PRKAR1A: variants seen among roughly 807,000 people sequenced by gnomAD.
PRKAR1A encodes the protein cAMP-dependent protein kinase type I-alpha regulatory subunit.
In PRKAR1A, 3 loss-of-function variants were observed where a neutral mutation model predicts 52.0. The observed-to-expected ratio is 0.06, with a 90% CI of 0.03 to 0.15. The LOEUF is 0.15. Among genes scored for constraint, PRKAR1A ranks in the 10% least tolerant of loss-of-function variants. PRKAR1A has a pLI of 1.00. For synonymous variants in PRKAR1A, 188 were observed against 168.4 expected (o/e 1.12, Z -0.90); for missense variants, 240 against 477.4 (o/e 0.50, Z 4.63).
chr17:68,482,477 T>C, the PRKAR1A span, among the ~76,000 whole-genome samples: 20 of 152,320 alleles, frequency 1.3e-4, no homozygotes, highest in Non-Finnish European at 2.6e-4. Context: ...TTTACGGTGC[T>C]GTAATAAGGA....
At chr17:68,505,815 G>A in the PRKAR1A span, among the ~76,000 whole-genome samples, 2 of 152,150 alleles carry the variant, frequency 1.3e-5, no homozygotes, top group Non-Finnish European at 2.9e-5. Flanking sequence ...GCCAGATCCT[G>A]TTTCACACAC....
the PRKAR1A span, among the ~76,000 whole-genome samples, chr17:68,486,653 C>T: frequency 7.1e-6 from 1 of 141,426 alleles, no homozygotes; most frequent in Non-Finnish European, 1.6e-5. Context: ...CTTTCTCTTC[C>T]CTCTTCCTAT....
At chr17:68,475,480 T>C in the PRKAR1A span, among the ~76,000 whole-genome samples, 3 of 152,250 alleles carry the variant, frequency 2.0e-5, no homozygotes, top group African/African-American at 4.8e-5. Flanking sequence ...TTATTATTTT[T>C]TGAGACAGAG....
chr17:68,541,706 C>G, intron 11 of PRKAR1A: 1 of 369,510 alleles, frequency 2.7e-6, no homozygotes, highest in Non-Finnish European at 5.0e-6. Flanking sequence ...CTGTTCTCCC[C>G]ACTAGACCAA....
chr17:68,437,949 A>AAAAAAAAAAC, the PRKAR1A span, among the ~76,000 whole-genome samples: 1 of 37,762 alleles, frequency 2.6e-5, no homozygotes, highest in Non-Finnish European at 4.9e-5. Context: ...CATCTCTCTT[A>AAAAAAAAAAC]AAAAAAAAAA....
the PRKAR1A span, chr17:68,452,895 C>T: frequency 1.9e-6 from 3 of 1,612,594 alleles, no homozygotes; most frequent in Non-Finnish European, 2.5e-6. Context: ...TGAGGTCTCT[C>T]TCACACACAC....
the PRKAR1A span, among the ~76,000 whole-genome samples, chr17:68,481,264 G>A: frequency 6.6e-6 from 1 of 152,182 alleles, no homozygotes; most frequent in Non-Finnish European, 1.5e-5. Context: ...CATCAACCAA[G>A]GTAAAGTGGG....
chr17:68,502,666 C>T, the PRKAR1A span, among the ~76,000 whole-genome samples: 1 of 148,970 alleles, frequency 6.7e-6, no homozygotes, highest in African/African-American at 2.5e-5. Flanking sequence ...GCAGGAGAAT[C>T]GCTTGAACCT....
the PRKAR1A span, among the ~76,000 whole-genome samples, chr17:68,457,140 G>A: frequency 1.6e-4 from 24 of 152,288 alleles, no homozygotes; most frequent in Admixed American, 9.2e-4. Flanking sequence ...GGAGGACACT[G>A]GGAGTGGGGT....
the PRKAR1A span, among the ~76,000 whole-genome samples, chr17:68,432,186 C>T: frequency 6.6e-5 from 10 of 152,228 alleles, no homozygotes; most frequent in African/African-American, 1.2e-4. Context: ...AGAAGGGAGC[C>T]GCCCCCAGTG....
At chr17:68,527,406 T>C (rs771580239) in intron 7 of PRKAR1A, among the ~76,000 whole-genome samples, 1 of 152,202 alleles carries the variant, frequency 6.6e-6, no homozygotes, top group Non-Finnish European at 1.5e-5. Flanking sequence ...TAGATTACTT[T>C]TGTGAGAAAA....
chr17:68,529,432 C>A (rs184766620), intron 9 of PRKAR1A, among the ~76,000 whole-genome samples: 34 of 152,278 alleles, frequency 2.2e-4, no homozygotes, highest in Non-Finnish European at 4.4e-4. Flanking sequence ...CTAAGCGGAT[C>A]CAAGTGGCAG....
At chr17:68,467,204 A>G in the PRKAR1A span, among the ~76,000 whole-genome samples, 15 of 152,296 alleles carry the variant, frequency 9.8e-5, no homozygotes, top group African/African-American at 3.4e-4. Context: ...GCTATTGTGA[A>G]TATCATGAAC....
chr17:68,416,961 T>C, the PRKAR1A span, among the ~76,000 whole-genome samples: 1 of 152,260 alleles, frequency 6.6e-6, no homozygotes, highest in Non-Finnish European at 1.5e-5. Context: ...TCCTGAATTC[T>C]TTTTCAGGTT....
chr17:68,501,349 C>T, the PRKAR1A span, among the ~76,000 whole-genome samples: 1 of 152,188 alleles, frequency 6.6e-6, no homozygotes, highest in African/African-American at 2.4e-5. Flanking sequence ...CTATATTCAG[C>T]TGCCTTTCTT....
the PRKAR1A span, among the ~76,000 whole-genome samples, chr17:68,482,616 C>T: frequency 2.3e-3 from 352 of 152,214 alleles, 2 homozygotes; most frequent in African/African-American, 8.1e-3. Flanking sequence ...CCCTAGACAC[C>T]GGGTGAAGGT....
At chr17:68,472,095 C>T in the PRKAR1A span, among the ~76,000 whole-genome samples, 3 of 152,290 alleles carry the variant, frequency 2.0e-5, no homozygotes, top group Admixed American at 6.5e-5. Context: ...TGAGCCACCG[C>T]GCCCAGCCTG....
chr17:68,417,361 C>T, the PRKAR1A span, among the ~76,000 whole-genome samples: 1 of 152,130 alleles, frequency 6.6e-6, no homozygotes, highest in Non-Finnish European at 1.5e-5. Context: ...TTACTTTTCT[C>T]CTACCCCTTT....
At chr17:68,475,785 C>T in the PRKAR1A span, among the ~76,000 whole-genome samples, 828 of 152,238 alleles carry the variant, frequency 5.4e-3, 16 homozygotes, top group African/African-American at 0.02. Context: ...GATACACAGA[C>T]TTTTCGTTGT....
Sources: allele counts gnomAD v4.1 joint callset (sites outside exome capture counted in the v4.1 genomes callset), GRCh38; gene constraint gnomAD v4.1.1; transcripts MANE v1.5; gene names NCBI Gene and HGNC (gene_info 2026-07-23, HGNC 2026-07-21).